The following OR1S1 variants were observed in gnomAD, a reference collection of about 807,000 sequenced individuals.
The protein encoded by OR1S1 is olfactory receptor 1S1.
For missense variants in OR1S1, 411 were observed against 367.5 expected (o/e 1.12, Z -0.97); for synonymous variants, 156 against 143.9 (o/e 1.08, Z -0.60).
chr11:58,215,026 G>A (rs777096747), exon 2 of OR1S1: 4 of 1,614,078 alleles, frequency 2.5e-6, no homozygotes, highest in Non-Finnish European at 3.4e-6. Flanking sequence ...TCCCCAAAAT[G>A]CTGGTGAATA....
exon 2 of OR1S1, chr11:58,215,227 A>T (rs373875064): frequency 6.2e-7 from 1 of 1,613,960 alleles, no homozygotes; most frequent in South Asian, 1.1e-5. Flanking sequence ...CAGTCATCTC[A>T]TGGTTCCTCA....
chr11:58,213,570 C>T (rs1009474063), intron 1 of OR1S1, among the ~76,000 whole-genome samples: 7 of 152,150 alleles, frequency 4.6e-5, no homozygotes, highest in African/African-American at 1.4e-4. Flanking sequence ...CCCACAAACC[C>T]GTTGTTGTTA....
intron 1 of OR1S1, among the ~76,000 whole-genome samples, chr11:58,214,515 A>G (rs1320880148): frequency 6.6e-6 from 1 of 152,218 alleles, no homozygotes; most frequent in Admixed American, 6.5e-5. Context: ...CTACATTTAG[A>G]ACCAACTGGA....
intron 1 of OR1S1, among the ~76,000 whole-genome samples, chr11:58,213,972 C>T (rs1169733645): frequency 6.6e-6 from 1 of 152,180 alleles, no homozygotes; most frequent in African/African-American, 2.4e-5. Flanking sequence ...CATCACGTGT[C>T]CTATGGGAAA....
At chr11:58,215,444 A>G in exon 2 of OR1S1, 2 of 1,614,140 alleles carry the variant, frequency 1.2e-6, no homozygotes, top group Non-Finnish European at 1.7e-6. Context: ...CTATGTCTGC[A>G]TCATCAGAGC....
chr11:58,213,967 C>T (rs1409875113), intron 1 of OR1S1, among the ~76,000 whole-genome samples: 17 of 152,320 alleles, frequency 1.1e-4, no homozygotes, highest in Non-Finnish European at 2.2e-4. Context: ...TATAGCATCA[C>T]GTGTCCTATG....
rs184017843 is a variant in OR1S1 at position 58,214,274 on chromosome 11, G to A, written c.-55-455G>A. On this transcript the variant is annotated intron_variant, in intron 1 of 1. Transcript: ENST00000641544. ...TCTCCCCCGGCGTTAGTGGGATGAA[G>A]CACCAACACAATGGTGTACACTGCC... 3.2e-3 allele frequency among the ~76,000 whole-genome samples: 486 copies of A among 152,272 alleles called. 2 individuals are homozygous for A. Among genetic ancestry groups the A allele is most frequent in the Non-Finnish European group, 3.4e-3 (234 of 68,018 alleles).
intron 1 of OR1S1, among the ~76,000 whole-genome samples, chr11:58,213,471 C>A (rs533650736): frequency 1.8e-4 from 28 of 152,314 alleles, no homozygotes; most frequent in African/African-American, 5.5e-4. Flanking sequence ...CATGGGTCCT[C>A]CCTTGTGAGC....
exon 2 of OR1S1, chr11:58,215,027 C>T (rs762263275): frequency 2.5e-6 from 4 of 1,614,018 alleles, no homozygotes; most frequent in Non-Finnish European, 3.4e-6. Flanking sequence ...CCCCAAAATG[C>T]TGGTGAATAT....
chr11:58,213,484 A>G (rs1854979289), intron 1 of OR1S1, among the ~76,000 whole-genome samples: 1 of 152,240 alleles, frequency 6.6e-6, no homozygotes, highest in African/African-American at 2.4e-5. Flanking sequence ...TTGTGAGCTC[A>G]GATCTGATGT....
At chr11:58,215,859 T>TGGAATA in exon 2 of OR1S1, 1 of 1,133,520 alleles carries the variant, frequency 8.8e-7, no homozygotes, top group Non-Finnish European at 1.3e-6. Flanking sequence ...CTGAAGGGGT[T>TGGAATA]GGAGCTTTTC....
chr11:58,213,372 T>C (rs1308653650), intron 1 of OR1S1, among the ~76,000 whole-genome samples: 2 of 152,172 alleles, frequency 1.3e-5, no homozygotes, highest in African/African-American at 4.8e-5. Flanking sequence ...GTTTTAAAAA[T>C]GTTTAACTGA....
Position 58,214,881 on chromosome 11 carries a change from G to A in OR1S1, c.98G>A (p.Gly33Asp), listed in dbSNP as rs149806776. The stretch of plus-strand genomic sequence containing the variant: ...AACCTCCTCTTTGTGCTTTTCTTGG[G>A]TATGTACCTGGTCACTGTGATTGGG... Residue 33 changes from glycine (G) to aspartate (D), a missense_variant, in exon 2 of 2, where the codon GGT (glycine) becomes GAT (aspartate). Physicochemically the swap from Gly to Asp is moderately conservative, Grantham distance 94. Coordinates refer to ENST00000641544, the Ensembl canonical transcript of OR1S1. 1.6e-4 allele frequency: 257 copies of A among 1,614,012 alleles called. 1 individual carries two copies. The African/African-American group carries it at 3.1e-3, about 19-fold the overall frequency.
At position 58,214,724 on chromosome 11, in the gene OR1S1, G is replaced by A. The variant is rs2120063489; in HGVS notation, c.-55-5G>A. On this transcript the variant is annotated splice_polypyrimidine_tract_variant and splice_region_variant and intron_variant, in intron 1 of 1. Coordinates refer to ENST00000641544, the Ensembl canonical transcript of OR1S1. ...AATGGCTGCAGCCAAATGATACCATGTTAGGTTTTCTTGTAGGAATATGAA... is the reference window on the plus strand; with the variant it reads ...AATGGCTGCAGCCAAATGATACCATATTAGGTTTTCTTGTAGGAATATGAA... 1 of 1,607,556 alleles carries A rather than the reference G, an allele frequency of 6.2e-7. No homozygotes were observed. Among genetic ancestry groups the A allele is most frequent in the African/African-American group, 1.3e-5 (1 of 74,810 alleles).
intron 1 of OR1S1, among the ~76,000 whole-genome samples, 183 bp downstream of exon 1, chr11:58,213,020 G>C (rs573839520): frequency 6.6e-6 from 1 of 152,162 alleles, no homozygotes; most frequent in East Asian, 1.9e-4. Context: ...TCTCCCTTCT[G>C]CATGTGTTTT....
chr11:58,214,198 C>A (rs1314193443), intron 1 of OR1S1, among the ~76,000 whole-genome samples: 1 of 152,132 alleles, frequency 6.6e-6, no homozygotes, highest in African/African-American at 2.4e-5. Flanking sequence ...TGAAGTAAAA[C>A]CCTGGTTGCT....
Position 58,215,565 on chromosome 11 carries a change from TC to T in OR1S1, c.786del (p.Ser263ProfsTer19). 6.2e-7 allele frequency: 1 copy of T among 1,614,084 alleles called. No homozygotes were observed. Among genetic ancestry groups the T allele is most frequent in the Non-Finnish European group, 8.5e-7 (1 of 1,180,000 alleles). On this transcript the variant is annotated frameshift_variant, in exon 2 of 2. Coordinates refer to ENST00000641544, the Ensembl canonical transcript of OR1S1. LOFTEE classifies it low-confidence loss of function (END_TRUNC). ...GGAACCATTGTAGGCGTGTACTTTT[TC>T]CCCTCCTCCACTCACCCTGAGGACA...
intron 1 of OR1S1, among the ~76,000 whole-genome samples, chr11:58,213,366 T>C (rs1295271933): frequency 2.0e-5 from 3 of 152,182 alleles, no homozygotes; most frequent in Non-Finnish European, 4.4e-5. Context: ...CTTAAGGTTT[T>C]AAAAATGTTT....
rs370722638 is a variant in OR1S1, at chr11:58,215,200, G to C, written c.417G>C (p.Arg139Ser). Residue 139 changes from arginine to serine, a missense_variant, in exon 2 of 2, where the codon AGG becomes AGC. Arg to Ser is a moderately radical substitution (Grantham distance 110). Transcript: ENST00000641544. ...ATTATACAATTCTCATGCGGCCCAG[G>C]TTCGGCATTTTGCTCACAGTCATCT... is the stretch of plus-strand genomic sequence containing the variant. 8.1e-6 allele frequency: 13 copies of C among 1,614,098 alleles called. 1 individual carries two copies. The South Asian group carries it at 1.4e-4, about 18-fold the overall frequency.
Sources: allele counts gnomAD v4.1 joint callset (sites outside exome capture counted in the v4.1 genomes callset), GRCh38; gene constraint gnomAD v4.1.1; transcripts MANE v1.5; gene names NCBI Gene and HGNC (gene_info 2026-07-23, HGNC 2026-07-21).